Variants in LTN1 observed in about 807,000 individuals in gnomAD.
LTN1 encodes listerin E3 ubiquitin protein ligase 1.
In LTN1, 88 loss-of-function variants were observed where a neutral mutation model predicts 201.2. The observed-to-expected ratio is 0.44, with a 90% CI of 0.37 to 0.52. The LOEUF is 0.52. Ranked by LOEUF, LTN1 falls within the 20% of genes least tolerant of loss-of-function variation. The probability of loss-of-function intolerance (pLI) is 0.00; values close to 1 mark genes in which losing one functional copy is unlikely to be tolerated. For synonymous variants in LTN1, 645 were observed against 713.5 expected (o/e 0.90, Z 1.53); for missense variants, 1,752 against 2,038.7 (o/e 0.86, Z 2.71).
rs770378288 is a variant in LTN1 at position 28,992,840 on chromosome 21, C to T, written c.-35G>A. The T allele has an allele frequency of 3.4e-5, 55 of 1,614,046 alleles. No homozygotes were observed. Among genetic ancestry groups the T allele is most frequent in the African/African-American group, 2.7e-4 (20 of 74,942 alleles). On this transcript the variant is annotated 5_prime_UTR_variant, in exon 1 of 30. Coordinates refer to ENST00000361371, the MANE Select transcript of LTN1 (RefSeq NM_015565.3). ...TGCAGCTGTACTCTGAGCACTCAGA[C>T]CCCGGTTGACACGTCCGGGACACAA...
intron 1 of LTN1, 135 bp from the exon 2 acceptor site, chr21:28,987,069 C>T (rs997104797): frequency 3.2e-6 from 2 of 620,766 alleles, no homozygotes; most frequent in African/African-American, 3.7e-5. Context: ...AAAATTTCAT[C>T]TATTGCAAAG....
intron 25 of LTN1, among the ~76,000 whole-genome samples, chr21:28,938,431 G>T (rs1347019864): frequency 3.3e-5 from 5 of 152,160 alleles, no homozygotes; most frequent in Non-Finnish European, 2.9e-5. Flanking sequence ...AAAAGAGTAT[G>T]TGATTTTCCA....
intron 18 of LTN1, among the ~76,000 whole-genome samples, chr21:28,948,638 A>G (rs2084360092): frequency 6.6e-6 from 1 of 152,154 alleles, no homozygotes; most frequent in Non-Finnish European, 1.5e-5. Context: ...GACACTAAAC[A>G]TATTGTTCTA....
chr21:28,952,907 T>A (rs1450985884), intron 17 of LTN1, among the ~76,000 whole-genome samples: 1 of 152,302 alleles, frequency 6.6e-6, no homozygotes, highest in East Asian at 1.9e-4. Context: ...AAAGGATGAA[T>A]CTGAGAGCAC....
At chr21:28,970,260 G>A (rs1028417856) in intron 8 of LTN1, among the ~76,000 whole-genome samples, 11 of 152,110 alleles carry the variant, frequency 7.2e-5, no homozygotes, top group African/African-American at 2.4e-4. Context: ...ATGTGTCTGT[G>A]GTGCAATTGG....
Position 28,931,164 on chromosome 21 carries a change from T to C in LTN1, c.5229A>G (p.Ser1743=). ...ACRTCKKKFH[S]ACLYKWFTSS... is the part of the protein sequence containing the mutation. ...TTCTCTTTAGACTTACCAAGCAGGC[T>C]GAATGGAATTTTTTCTTGCATGTTC... Residue 1743 remains serine (S), a synonymous_variant, in exon 29 of 30, where the codon TCA becomes TCG. Coordinates refer to ENST00000361371, the MANE Select transcript of LTN1 (RefSeq NM_015565.3). 6.2e-7 allele frequency: 1 copy of C among 1,609,114 alleles called. No homozygotes were observed. Among genetic ancestry groups the C allele is most frequent in the Non-Finnish European group, 8.5e-7 (1 of 1,178,156 alleles).
rs2084656049 is a variant in LTN1, at chr21:28,981,201, T to C, written c.728A>G (p.Glu243Gly). 6.3e-7 allele frequency: 1 copy of C among 1,599,374 alleles called. No homozygotes were observed. Among genetic ancestry groups the C allele is most frequent in the Non-Finnish European group, 8.5e-7 (1 of 1,175,686 alleles). Residue 243 changes from glutamate to glycine, a missense_variant, in exon 6 of 30, where the codon GAG becomes GGG. Glu to Gly is a moderately conservative substitution (Grantham distance 98). Transcript: ENST00000361371. Reference sequence around the variant, plus strand: ...AAATTTCTCCTCCAGAGAATCAAGCTCATTATCAGGTAAAAGGCAAAGTAA... The same window carrying C: ...AAATTTCTCCTCCAGAGAATCAAGCCCATTATCAGGTAAAAGGCAAAGTAA... ...KRLLCLLPDN[E>G]LDSLEEKFKS...
rs1568850087 is a variant in LTN1 at position 28,967,216 on chromosome 21, T to TG, written c.1312-38dup. 3 of 1,468,460 alleles carry TG rather than the reference T, an allele frequency of 2.0e-6. No individual in the cohort carries two copies. In the South Asian group the frequency reaches 3.8e-5, roughly 19 times the overall value. 91.0% of individuals were successfully genotyped at this position (1,468,460 alleles called of 1,614,324 possible). A position where few individuals can be genotyped will look rare whatever the true frequency, so the allele number is the denominator to read the frequency against. On this transcript the variant is annotated intron_variant, in intron 9 of 29. Transcript: ENST00000361371. Reference sequence around the variant, plus strand: ...GGTAGAATATCATAAAATATATATTTGGTCTTCAACCCCCATCTCCTGGCA... The same window carrying TG: ...GGTAGAATATCATAAAATATATATTTGGGTCTTCAACCCCCATCTCCTGGCA...
At chr21:28,939,232 A>T (rs1436453465) in intron 25 of LTN1, among the ~76,000 whole-genome samples, 1 of 152,214 alleles carries the variant, frequency 6.6e-6, no homozygotes, top group Non-Finnish European at 1.5e-5. Context: ...CATAGGTTAG[A>T]TGCAGATACT....
At chr21:28,951,052 T>C (rs1308204882) in intron 18 of LTN1, among the ~76,000 whole-genome samples, 1 of 144,950 alleles carries the variant, frequency 6.9e-6, no homozygotes, top group African/African-American at 2.9e-5. Flanking sequence ...TACACAAACA[T>C]GTGCATGTAA....
At position 28,986,923 on chromosome 21, in the gene LTN1, A is replaced by G. The variant is rs779900898; in HGVS notation, c.54T>C (p.Ser18=). ...RTKGNLRPSN[S]GRAAELLAKE... ...TGGCAAGGAGTTCTGCAGCTCGGCC[A>G]CTGTTTGAAGGCTGATAAGAAAATT... Residue 18 remains serine (S), a synonymous_variant, in exon 2 of 30, where the codon AGT becomes AGC. Coordinates refer to ENST00000361371, the MANE Select transcript of LTN1 (RefSeq NM_015565.3). The surrounding 1 kb of genome is among the most constrained non-coding windows in gnomAD (Gnocchi z 4.1). The G allele has an allele frequency of 1.2e-6, 2 of 1,613,828 alleles. No individual in the cohort carries two copies. Among genetic ancestry groups the G allele is most frequent in the African/African-American group, 1.3e-5 (1 of 75,048 alleles).
chr21:28,989,877 G>GTGA (rs1447051258), intron 1 of LTN1, among the ~76,000 whole-genome samples: 1 of 151,756 alleles, frequency 6.6e-6, no homozygotes, highest in African/African-American at 2.4e-5. Flanking sequence ...TTAGCCGGGT[G>GTGA]TGATGGTGCA....
chr21:28,960,455 A>G, intron 12 of LTN1, 62 bp downstream of exon 12: 2 of 1,321,330 alleles, frequency 1.5e-6, no homozygotes, highest in South Asian at 2.7e-5. Context: ...GCCCCATGCA[A>G]TCCCCCACAA....
intron 6 of LTN1, among the ~76,000 whole-genome samples, chr21:28,974,324 A>G (rs1206680305): frequency 1.3e-5 from 2 of 152,216 alleles, no homozygotes; most frequent in Non-Finnish European, 2.9e-5. Flanking sequence ...CTTGCAACTC[A>G]AAAATAACCA....
chr21:28,943,248 T>TA lies in LTN1; in HGVS notation c.4295+13dup, dbSNP rs1293193633. 5.8e-6 allele frequency: 9 copies of TA among 1,543,712 alleles called. No individual in the cohort carries two copies. The highest frequency in any genetic ancestry group is 2.3e-5 in the East Asian group (1 of 44,314). On this transcript the variant is annotated intron_variant, in intron 24 of 29. Transcript: ENST00000361371. ...TAAGAATTTAATAAAACAAATTATTTAAAAAAACCTTACAAGGCTGGCTCT... is the reference window on the plus strand; with the variant it reads ...TAAGAATTTAATAAAACAAATTATTTAAAAAAAACCTTACAAGGCTGGCTCT...
chr21:28,944,339 A>G (rs1278835871), intron 22 of LTN1, 44 bp downstream of exon 22: 4 of 1,468,430 alleles, frequency 2.7e-6, no homozygotes, highest in Non-Finnish European at 3.8e-6. Flanking sequence ...TCAGTAAGTC[A>G]TTTCCAATGA....
chr21:28,944,022 T>C, intron 22 of LTN1, 118 bp from the exon 23 acceptor site: 2 of 684,858 alleles, frequency 2.9e-6, no homozygotes, highest in East Asian at 2.6e-5. Flanking sequence ...ACATAAACAA[T>C]AAAGCAGTCT....
chr21:28,977,505 C>T (rs1036978913), intron 6 of LTN1, among the ~76,000 whole-genome samples: 1 of 152,054 alleles, frequency 6.6e-6, no homozygotes, highest in Admixed American at 6.5e-5. Flanking sequence ...GGCAGATCAC[C>T]TGAGGTCAGG....
At chr21:28,931,427 G>T in intron 28 of LTN1, 105 bp from the exon 29 acceptor site, 1 of 681,788 alleles carries the variant, frequency 1.5e-6, no homozygotes, top group Non-Finnish European at 2.4e-6. Context: ...TGAAAGAAGA[G>T]AATCTGCTTG....
Sources: gnomAD v4.1 joint callset for allele counts (sites outside exome capture counted in the v4.1 genomes callset) on GRCh38, gnomAD v4.1.1 for gene constraint, Gnocchi (gnomAD v3.1) non-coding constraint, MANE v1.5 for transcripts, NCBI Gene and HGNC (gene_info 2026-07-23, HGNC 2026-07-21) for gene names.